P2RX5: variants seen among roughly 807,000 people sequenced by gnomAD.
P2RX5 encodes purinergic receptor P2X 5, also known as P2X purinoceptor 5.
A neutral mutation model predicts 54.1 loss-of-function variants in P2RX5; 46 were observed. The observed-to-expected ratio is 0.85, with a 90% confidence interval of 0.67 to 1.09. The LOEUF is 1.09. Ranked by LOEUF, P2RX5 falls within the 50% of genes least tolerant of loss-of-function variation. The pLI, the probability that P2RX5 is intolerant of heterozygous loss-of-function variation, is 0.00. For missense variants in P2RX5, 566 were observed against 549.8 expected, an observed-to-expected ratio of 1.03 and a Z score of -0.29; for synonymous variants, 226 against 226.4, an observed-to-expected ratio of 1.00 and a Z score of 0.02.
At chr17:3,723,438 T>A in the P2RX5 span, 1 of 1,302,406 alleles carries the variant, frequency 7.7e-7, no homozygotes, top group South Asian at 1.2e-5. Flanking sequence ...AAGTCTGAAA[T>A]CTTTTTAACA....
Position 3,695,896 on chromosome 17 carries a change from T to G in P2RX5, c.110A>C (p.Gln37Pro). Residue 37 changes from glutamine (Q) to proline (P), a missense_variant, in exon 1 of 12, where the codon CAG becomes CCG. By Grantham distance (76) the Gln-to-Pro change is moderately conservative. Coordinates refer to ENST00000225328, the MANE Select transcript of P2RX5 (RefSeq NM_002561.4). ...GACCAGGTACGCCAGGATGGAGGCC[T>G]GCAGCAGCCGGTACAGCAGGCCCAC... ...KKVGLLYRLL[Q>P]ASILAYLVVW... 6.2e-7 allele frequency: 1 copy of G among 1,609,520 alleles called. No individual in the cohort carries two copies. Among genetic ancestry groups the G allele is most frequent in the African/African-American group, 1.3e-5 (1 of 74,832 alleles).
At chr17:3,695,840 G>A (rs1336129781) in intron 1 of P2RX5, 29 bp downstream of exon 1, 9 of 701,194 alleles carry the variant, frequency 1.3e-5, no homozygotes, top group East Asian at 4.5e-5. Context: ...CCCCTCCCCC[G>A]CCTTCCCAAA....
chr17:3,714,117 C>T, the P2RX5 span, among the ~76,000 whole-genome samples: 9 of 150,564 alleles, frequency 6.0e-5, no homozygotes, highest in African/African-American at 2.4e-5. Context: ...TTAGTAGAGA[C>T]GGGGTTTCAC....
At chr17:3,699,844 GAAAAAGAAAAA>G (rs1356927874), upstream of P2RX5, among the ~76,000 whole-genome samples, 3,061 of 105,750 alleles carry the variant, frequency 0.029, 213 homozygotes, top group Non-Finnish European at 0.037. Flanking sequence ...GAGAGAGAAA[GAAAAAGAAAAA>G]AGAAAGAAAG....
At chr17:3,695,842 CTT>C in intron 1 of P2RX5, 25 bp downstream of exon 1, 1 of 1,612,030 alleles carries the variant, frequency 6.2e-7, no homozygotes, top group Non-Finnish European at 8.5e-7. Flanking sequence ...CCTCCCCCGC[CTT>C]CCCAAAAGTC....
intron 11 of P2RX5, chr17:3,677,122 G>A: frequency 1.0e-6 from 1 of 985,404 alleles, no homozygotes; most frequent in African/African-American, 1.7e-5. Context: ...GCAGCTGAGG[G>A]TGCGGTAGGT....
the P2RX5 span, chr17:3,723,422 T>C: frequency 2.8e-6 from 4 of 1,431,696 alleles, no homozygotes; most frequent in Non-Finnish European, 3.9e-6. Flanking sequence ...TTCCTTTCCG[T>C]GCGGAAAGTC....
the P2RX5 span, among the ~76,000 whole-genome samples, chr17:3,708,571 T>TG: frequency 2.6e-5 from 4 of 151,880 alleles, no homozygotes; most frequent in South Asian, 4.2e-4. Flanking sequence ...TAAGTAAAAA[T>TG]GGAGATTCCA....
the P2RX5 span, chr17:3,720,400 T>C: frequency 7.0e-7 from 1 of 1,422,788 alleles, no homozygotes; most frequent in Non-Finnish European, 9.9e-7. Context: ...CATCTTTTAG[T>C]AACTAGAAGA....
chr17:3,675,043 A>T (rs1343190572), intron 11 of P2RX5, among the ~76,000 whole-genome samples: 3 of 152,096 alleles, frequency 2.0e-5, no homozygotes, highest in African/African-American at 7.2e-5. Flanking sequence ...GTAGGAAGAC[A>T]TTTTCCTTTT....
the P2RX5 span, among the ~76,000 whole-genome samples, chr17:3,704,074 C>T: frequency 2.0e-5 from 3 of 151,512 alleles, no homozygotes; most frequent in African/African-American, 7.3e-5. Context: ...TGCACTCCAG[C>T]CTCGGCAACA....
rs868269247 is a variant in P2RX5 at position 3,685,878 on chromosome 17, G to A, written c.981+2134C>T. 6.4e-3 allele frequency among the ~76,000 whole-genome samples: 95 copies of A among 14,802 alleles called. 2 individuals carry two copies. The highest frequency in any genetic ancestry group is 0.012 in the African/African-American group (29 of 2,446). 9.7% of individuals were successfully genotyped at this position (14,802 alleles called of 152,430 possible). ...CCGCCCAGCCTCAGAACAGGAGAAC[G>A]CACAGCGGGGCCCCCAGGGACCCTC... On this transcript the variant is annotated intron_variant, in intron 9 of 11. Transcript: ENST00000225328.
the P2RX5 span, chr17:3,716,838 G>A: frequency 8.5e-7 from 1 of 1,182,560 alleles, no homozygotes; most frequent in Admixed American, 1.8e-5. Context: ...ATCAGGTGAA[G>A]CAAACAAGGA....
In P2RX5 at chr17:3,683,679, A is replaced by G. The variant is rs905023511; in HGVS notation, c.982-1701T>C. On this transcript the variant is annotated intron_variant, in intron 9 of 11. Transcript: ENST00000225328. Reference sequence around the variant, plus strand: ...TGGGAGGCAGAGGCTGCAGTGAGCCAAGATCATGCCATTGCACTCCAGCCT... The same window carrying G: ...TGGGAGGCAGAGGCTGCAGTGAGCCGAGATCATGCCATTGCACTCCAGCCT... 8.6e-5 allele frequency among the ~76,000 whole-genome samples: 13 copies of G among 151,974 alleles called. 3 individuals are homozygous for G. The highest frequency in any genetic ancestry group is 3.9e-4 in the East Asian group (2 of 5,158).
chr17:3,674,183 C>A (rs942222772), intron 11 of P2RX5, among the ~76,000 whole-genome samples: 5 of 152,070 alleles, frequency 3.3e-5, no homozygotes, highest in African/African-American at 7.2e-5. Context: ...GCGAGGCGAG[C>A]GCCTGTAGTC....
At chr17:3,685,449 C>A (rs1351901529) in intron 9 of P2RX5, 1 of 154,106 alleles carries the variant, frequency 6.5e-6, no homozygotes, top group Non-Finnish European at 1.5e-5. Context: ...ACAGCAGCCT[C>A]CCCCTCCCTG....
At chr17:3,700,653 C>T (rs186980336), upstream of P2RX5, among the ~76,000 whole-genome samples, 479 of 152,238 alleles carry the variant, frequency 3.1e-3, 6 homozygotes, top group African/African-American at 0.011. Flanking sequence ...TCCTCCAAAT[C>T]GCATGTTGAA....
In P2RX5 at chr17:3,673,647, G is replaced by C; in HGVS notation, c.*221C>G. ...AGAAAGGAAGAACTGACGGCAGGGGGTGGGGCAAAAAGACAGCCATGATGG... is the reference window on the plus strand; with the variant it reads ...AGAAAGGAAGAACTGACGGCAGGGGCTGGGGCAAAAAGACAGCCATGATGG... On this transcript the variant is annotated 3_prime_UTR_variant, in exon 12 of 12. Coordinates refer to ENST00000225328, the MANE Select transcript of P2RX5 (RefSeq NM_002561.4). The C allele has an allele frequency of 2.1e-6, 3 of 1,441,526 alleles. No individual in the cohort carries two copies. Among genetic ancestry groups the C allele is most frequent in the South Asian group, 1.5e-5 (1 of 68,160 alleles). The allele number at this position is 1,441,526 out of a possible 1,614,324, so 89.3% of individuals were successfully genotyped here. A position where few individuals can be genotyped will look rare whatever the true frequency, so the allele number is the denominator to read the frequency against.
chr17:3,695,370 T>C (rs1194444290), intron 1 of P2RX5, among the ~76,000 whole-genome samples: 2 of 152,056 alleles, frequency 1.3e-5, no homozygotes, highest in Non-Finnish European at 2.9e-5. Flanking sequence ...GTGGGGCAAG[T>C]TGACCGGAAG....
Sources: allele counts gnomAD v4.1 joint callset (sites outside exome capture counted in the v4.1 genomes callset), GRCh38; gene constraint gnomAD v4.1.1; transcripts MANE v1.5; gene names NCBI Gene and HGNC (gene_info 2026-07-23, HGNC 2026-07-21).